DOK1: variants seen among roughly 807,000 people sequenced by gnomAD.
DOK1 encodes the protein Downstream of tyrosine kinase 1.
Under a neutral mutation model 24.0 loss-of-function variants are expected in DOK1, and 12 were observed. The observed-to-expected ratio is 0.50, with a 90% CI of 0.32 to 0.81. DOK1 has a LOEUF of 0.81. Among genes scored for constraint, DOK1 ranks in the 30% least tolerant of loss-of-function variants. DOK1 has a pLI of 0.03. For missense variants in DOK1, 591 were observed against 620.7 expected (o/e 0.95, Z 0.51); for synonymous variants, 250 against 260.9 (o/e 0.96, Z 0.40).
upstream of DOK1, chr2:74,554,595 C>G: frequency 3.0e-6 from 2 of 670,522 alleles, no homozygotes; most frequent in South Asian, 3.8e-5. This position sits in a 1 kb window ranked among gnomAD's most constrained non-coding sequence, Gnocchi z 4.9. Flanking sequence ...GGGGTCTCCA[C>G]CATTCCTTCT....
upstream of DOK1, chr2:74,552,498 A>G (rs2104453269): frequency 6.2e-7 from 1 of 1,613,688 alleles, no homozygotes; most frequent in South Asian, 1.1e-5. Flanking sequence ...GAAGCCAGCC[A>G]GCCGGAACCG....
Position 74,556,386 on chromosome 2 carries a change from G to A in DOK1, c.718G>A (p.Asp240Asn). The change falls in exon 5 of 5, where the codon GAC (aspartate) becomes AAC (asparagine). Residue 240 changes from aspartate (D) to asparagine (N), a missense_variant. Physicochemically the swap from Asp to Asn is conservative, Grantham distance 23. Transcript: ENST00000233668. The surrounding 1 kb of genome is among the most constrained non-coding windows in gnomAD (Gnocchi z 4.1). ...CACCTTCCAGACGGCACAGGGAAAT[G>A]ACATCTTCCAGGCAGTTGAGACTGC... Reference protein sequence around the residue: ...TFTFQTAQGNDIFQAVETAIH... With the variant: ...TFTFQTAQGNNIFQAVETAIH... 1 of 1,614,068 alleles carries A rather than the reference G, an allele frequency of 6.2e-7. No individual in the cohort carries two copies. Among genetic ancestry groups the A allele is most frequent in the Non-Finnish European group, 8.5e-7 (1 of 1,180,038 alleles).
chr2:74,550,370 G>C (rs932583387), upstream of DOK1: 1 of 1,608,778 alleles, frequency 6.2e-7, no homozygotes, highest in African/African-American at 1.3e-5. Flanking sequence ...GAGATGAAGG[G>C]ACAGAGAAGC....
rs371282935 is a variant in DOK1, at chr2:74,556,679, T to G, written c.1011T>G (p.Tyr337Ter). 2 of 1,614,216 alleles carry G rather than the reference T, an allele frequency of 1.2e-6. No individual in the cohort carries two copies. The highest frequency in any genetic ancestry group is 1.1e-5 in the South Asian group (1 of 91,078). Reference sequence around the variant, plus strand: ...GAGTACAACGGAAGAAACCTCTCTATTGGGACTTGTATGAGCATGCGCAGC... The same window carrying G: ...GAGTACAACGGAAGAAACCTCTCTAGTGGGACTTGTATGAGCATGCGCAGC... Reference protein sequence around the residue: ...GEGVQRKKPLYWDLYEHAQQQ... With the variant: ...GEGVQRKKPL Residue 337 changes from tyrosine (Y) to a stop codon, truncating the protein, a stop_gained, in exon 5 of 5, where the codon TAT becomes TAG. Coordinates refer to ENST00000233668, the MANE Select transcript of DOK1 (RefSeq NM_001381.5). LOFTEE classifies it high-confidence loss of function. This position sits in a 1 kb window ranked among gnomAD's most constrained non-coding sequence, Gnocchi z 4.1.
At chr2:74,550,139 C>G (rs779680225), upstream of DOK1, 2 of 1,578,924 alleles carry the variant, frequency 1.3e-6, no homozygotes, top group Non-Finnish European at 1.7e-6. Flanking sequence ...ACAGTACTCT[C>G]GGCTATCCTG....
In DOK1 at chr2:74,549,154, T is replaced by G; in HGVS notation, c.-376T>G. On this transcript the variant is annotated 5_prime_UTR_variant, in exon 1 of 5. Transcript: ENST00000409429. The surrounding 1 kb of genome is among the most constrained non-coding windows in gnomAD (Gnocchi z 5.3). The stretch of plus-strand genomic sequence containing the variant: ...CGTCGGCCACGAGAGAGCGGGAGCC[T>G]CGCTGGTCCCCATTTCAGGTACTCC... 2.2e-6 allele frequency: 1 copy of G among 450,558 alleles called. No homozygotes were observed. The highest frequency in any genetic ancestry group is 3.7e-6 in the Non-Finnish European group (1 of 266,708). 27.9% of individuals were successfully genotyped at this position (450,558 alleles called of 1,614,324 possible).
In DOK1 at chr2:74,555,789, C is replaced by G. The variant is rs1677408334; in HGVS notation, c.455-105C>G. ...GTAAGAAGTAGGAAGGCCCTGAGAT[C>G]TGGCTTCCGAGTGAGTGCTTGGACA... On this transcript the variant is annotated intron_variant, in intron 3 of 4. Transcript: ENST00000233668. This position sits in a 1 kb window ranked among gnomAD's most constrained non-coding sequence, Gnocchi z 6.1. The G allele has an allele frequency of 1.9e-6, 3 of 1,586,004 alleles. No homozygotes were observed. Among genetic ancestry groups the G allele is most frequent in the South Asian group, 2.3e-5 (2 of 88,188 alleles).
chr2:74,549,602 G>A lies in DOK1; in HGVS notation c.-358+430G>A, dbSNP rs368534934. 1.3e-6 allele frequency: 2 copies of A among 1,594,056 alleles called. No homozygotes were observed. Among genetic ancestry groups the A allele is most frequent in the African/African-American group, 2.7e-5 (2 of 74,566 alleles). Reference sequence around the variant, plus strand: ...GCTCTACCTGGGGGCGGGGCCACAAGCAGGGAAAGAATCCCAGTGGCACCT... The same window carrying A: ...GCTCTACCTGGGGGCGGGGCCACAAACAGGGAAAGAATCCCAGTGGCACCT... On this transcript the variant is annotated intron_variant, in intron 1 of 4. Coordinates refer to the DOK1 transcript ENST00000409429. This position sits in a 1 kb window ranked among gnomAD's most constrained non-coding sequence, Gnocchi z 5.3.
chr2:74,549,706 G>A lies in DOK1; in HGVS notation c.-358+534G>A, dbSNP rs1040970224. 1.4e-6 allele frequency: 2 copies of A among 1,447,404 alleles called. No individual in the cohort carries two copies. The highest frequency in any genetic ancestry group is 2.9e-5 in the African/African-American group (2 of 69,782). The allele number at this position is 1,447,404 out of a possible 1,614,324, so 89.7% of individuals were successfully genotyped here. ...CCAGTGGCGGGATGGGCCCGAGGCG[G>A]CGCTGAGAGAGCGGCCACGATGGCC... On this transcript the variant is annotated intron_variant, in intron 1 of 4. Transcript: ENST00000409429. This position sits in a 1 kb window ranked among gnomAD's most constrained non-coding sequence, Gnocchi z 5.3.
rs777613912 is a variant in DOK1, at chr2:74,555,858, C to G, written c.455-36C>G. 1 of 1,587,662 alleles carries G rather than the reference C, an allele frequency of 6.3e-7. No homozygotes were observed. Among genetic ancestry groups the G allele is most frequent in the Admixed American group, 1.7e-5 (1 of 57,666 alleles). On this transcript the variant is annotated intron_variant, in intron 3 of 4. Coordinates refer to ENST00000233668, the MANE Select transcript of DOK1 (RefSeq NM_001381.5). The surrounding 1 kb of genome is among the most constrained non-coding windows in gnomAD (Gnocchi z 6.1). ...TGGGTCCCCACTGCTGCCCCCGTCC[C>G]TCCCCCGCAGCTGTCTAATCGTGTA...
chr2:74,554,601 C>T (rs1274335924), upstream of DOK1: 1 of 690,418 alleles, frequency 1.4e-6, no homozygotes, highest in Non-Finnish European at 2.4e-6. This position sits in a 1 kb window ranked among gnomAD's most constrained non-coding sequence, Gnocchi z 4.9. Context: ...TCCACCATTC[C>T]TTCTCGCTCC....
In DOK1 at chr2:74,549,397, C is replaced by T. The variant is rs759876701; in HGVS notation, c.-358+225C>T. ...TAGAAGGCCGCGTTGACCCTCTTTT[C>T]GCTGGGGAAGCCCAGCATCCCGCAG... On this transcript the variant is annotated intron_variant, in intron 1 of 4. Transcript: ENST00000409429. This position sits in a 1 kb window ranked among gnomAD's most constrained non-coding sequence, Gnocchi z 5.3. The T allele has an allele frequency of 6.2e-7, 1 of 1,610,408 alleles. No homozygotes were observed. Among genetic ancestry groups the T allele is most frequent in the South Asian group, 1.1e-5 (1 of 90,534 alleles).
At position 74,549,394 on chromosome 2, in the gene DOK1, T is replaced by G; in HGVS notation, c.-358+222T>G. On this transcript the variant is annotated intron_variant, in intron 1 of 4. Transcript: ENST00000409429. This position sits in a 1 kb window ranked among gnomAD's most constrained non-coding sequence, Gnocchi z 5.3. ...CTGTAGAAGGCCGCGTTGACCCTCT[T>G]TTCGCTGGGGAAGCCCAGCATCCCG... The G allele has an allele frequency of 6.2e-7, 1 of 1,610,142 alleles. No homozygotes were observed. The highest frequency in any genetic ancestry group is 2.2e-5 in the East Asian group (1 of 44,694).
At chr2:74,550,283 G>A (rs1219893637), upstream of DOK1, 12 of 1,613,982 alleles carry the variant, frequency 7.4e-6, no homozygotes, top group East Asian at 1.6e-4. Flanking sequence ...CCCCAGCCCC[G>A]GGAGGCACAT....
chr2:74,556,768 G>A lies in DOK1; in HGVS notation c.1100G>A (p.Gly367Asp). 6.2e-7 allele frequency: 1 copy of A among 1,614,142 alleles called. No individual in the cohort carries two copies. The highest frequency in any genetic ancestry group is 8.5e-7 in the Non-Finnish European group (1 of 1,180,022). ...GATCCCATCTATGATGAACCTGAGG[G>A]CCTGGCCCCAGTCCCTCCCCAGGGC... ...KEDPIYDEPEGLAPVPPQGLY... is the reference protein window; with the variant it reads ...KEDPIYDEPEDLAPVPPQGLY... The change falls in exon 5 of 5, where the codon GGC (glycine) becomes GAC (aspartate). Residue 367 changes from glycine to aspartate, a missense_variant. By Grantham distance (94) the Gly-to-Asp change is moderately conservative (BLOSUM62 -1). Transcript: ENST00000233668. This position sits in a 1 kb window ranked among gnomAD's most constrained non-coding sequence, Gnocchi z 4.1.
At chr2:74,549,982 C>A (rs1466069604), upstream of DOK1, 3 of 985,312 alleles carry the variant, frequency 3.0e-6, no homozygotes, top group East Asian at 3.4e-4. This position sits in a 1 kb window ranked among gnomAD's most constrained non-coding sequence, Gnocchi z 5.3. Flanking sequence ...GAGGCTCATG[C>A]CAGGTTTAGC....
Position 74,555,665 on chromosome 2 carries a change from G to A in DOK1, c.451G>A (p.Glu151Lys). 1 of 1,613,964 alleles carries A rather than the reference G, an allele frequency of 6.2e-7. No individual in the cohort carries two copies. Among genetic ancestry groups the A allele is most frequent in the Non-Finnish European group, 8.5e-7 (1 of 1,179,974 alleles). The part of the protein sequence containing the change: ...LENSLYSPTW[E>K]GSQFWVTVQR... Reference sequence around the variant, plus strand: ...GAACTCCTTGTACAGCCCTACCTGGGAAGGTAGACGCCTCAGAAGCCCGGG... The same window carrying A: ...GAACTCCTTGTACAGCCCTACCTGGAAAGGTAGACGCCTCAGAAGCCCGGG... The change falls in exon 3 of 5, where the codon GAA becomes AAA. Residue 151 changes from glutamate (E) to lysine (K), a missense_variant. Physicochemically the swap from Glu to Lys is moderately conservative, Grantham distance 56. Coordinates refer to ENST00000233668, the MANE Select transcript of DOK1 (RefSeq NM_001381.5). The surrounding 1 kb of genome is among the most constrained non-coding windows in gnomAD (Gnocchi z 6.1).
At chr2:74,549,997 T>G, upstream of DOK1, 20 of 985,416 alleles carry the variant, frequency 2.0e-5, no homozygotes, top group Non-Finnish European at 2.4e-5. This position sits in a 1 kb window ranked among gnomAD's most constrained non-coding sequence, Gnocchi z 5.3. Context: ...TTTAGCCCCT[T>G]GAATGTGAAT....
Position 74,556,632 on chromosome 2 carries a change from ACGTCTGCT to A in DOK1, c.966_973del (p.Ser323GlyfsTer17). The A allele has an allele frequency of 6.2e-7, 1 of 1,614,242 alleles. No homozygotes were observed. The highest frequency in any genetic ancestry group is 8.5e-7 in the Non-Finnish European group (1 of 1,180,042). ...CCTATACTCAGACCCCTTGGACAGC[ACGTCTGCT>A]CAGGCAGGAGAGGGAGTACAACGGA... On this transcript the variant is annotated frameshift_variant, in exon 5 of 5. Transcript: ENST00000233668. LOFTEE classifies it high-confidence loss of function. This position sits in a 1 kb window ranked among gnomAD's most constrained non-coding sequence, Gnocchi z 4.1.
Sources: allele counts gnomAD v4.1 joint callset, GRCh38; gene constraint gnomAD v4.1.1; non-coding constraint Gnocchi (gnomAD v3.1); transcripts MANE v1.5; gene names NCBI Gene and HGNC (gene_info 2026-07-23, HGNC 2026-07-21).